RECK: variants seen among roughly 807,000 people sequenced by gnomAD.
RECK encodes reversion inducing cysteine rich protein with kazal motifs.
In RECK, 69 loss-of-function variants were observed where a neutral mutation model predicts 115.1. The observed-to-expected ratio is 0.60, with a 90% CI of 0.49 to 0.73. RECK has a LOEUF of 0.73. Among genes scored for constraint, RECK ranks in the 30% least tolerant of loss-of-function variants. The probability of loss-of-function intolerance (pLI) is 0.00; values close to 1 mark genes in which losing one functional copy is unlikely to be tolerated. For synonymous variants in RECK, 414 were observed against 419.7 expected, an observed-to-expected ratio of 0.99 and a Z score of 0.17; for missense variants, 1,047 against 1,203.7, an observed-to-expected ratio of 0.87 and a Z score of 1.93.
At chr9:36,101,401 A>T (rs1357054946) in intron 11 of RECK, among the ~76,000 whole-genome samples, 1 of 152,164 alleles carries the variant, frequency 6.6e-6, no homozygotes, top group Non-Finnish European at 1.5e-5. Context: ...AAGTTTTCCA[A>T]AACCAAGTTA....
chr9:36,079,496 TAAATC>T (rs1822593378), intron 6 of RECK, among the ~76,000 whole-genome samples: 1 of 152,214 alleles, frequency 6.6e-6, no homozygotes, highest in South Asian at 2.1e-4. Flanking sequence ...TTTAAATTGT[TAAATC>T]AAGTGTGGCA....
chr9:36,064,162 C>T (rs1484597615), intron 5 of RECK, among the ~76,000 whole-genome samples: 2 of 152,200 alleles, frequency 1.3e-5, no homozygotes, highest in Non-Finnish European at 2.9e-5. Context: ...ACTTTGCCTG[C>T]AATCATGCTG....
chr9:36,100,552 C>G lies in RECK; in HGVS notation c.1298+9C>G. On this transcript the variant is annotated intron_variant, in intron 11 of 20. Transcript: ENST00000377966. ...GGAAGTATTATTTGCAAGTAAGTTT[C>G]TTTCATCCTAACGATTCTCCAGCTT... 6.3e-7 allele frequency: 1 copy of G among 1,599,906 alleles called. No homozygotes were observed. The highest frequency in any genetic ancestry group is 8.6e-7 in the Non-Finnish European group (1 of 1,168,150).
intron 3 of RECK, among the ~76,000 whole-genome samples, 199 bp from the exon 4 acceptor site, chr9:36,059,920 T>C (rs778323952): frequency 4.6e-5 from 7 of 152,234 alleles, no homozygotes; most frequent in Non-Finnish European, 8.8e-5. Context: ...TGCTCTCAGA[T>C]GGGAAAAGAA....
chr9:36,043,715 C>G (rs947027994), intron 1 of RECK, among the ~76,000 whole-genome samples: 1 of 152,084 alleles, frequency 6.6e-6, no homozygotes, highest in Admixed American at 6.5e-5. Context: ...AGATGAGAAT[C>G]CAGTTTCATT....
intron 14 of RECK, among the ~76,000 whole-genome samples, chr9:36,109,035 T>C (rs974735363): frequency 2.0e-5 from 3 of 152,018 alleles, no homozygotes; most frequent in Non-Finnish European, 2.9e-5. Flanking sequence ...TTGGCTAAAA[T>C]TAGCTCTCAA....
intron 1 of RECK, among the ~76,000 whole-genome samples, chr9:36,040,375 G>C (rs538570367): frequency 1.3e-5 from 2 of 152,136 alleles, no homozygotes; most frequent in Non-Finnish European, 2.9e-5. Context: ...AGAAGGTGGT[G>C]GGTAGTCTTA....
intron 6 of RECK, among the ~76,000 whole-genome samples, chr9:36,072,206 T>C (rs1822258964): frequency 6.6e-6 from 1 of 152,212 alleles, no homozygotes; most frequent in Non-Finnish European, 1.5e-5. Flanking sequence ...TGCTTAAAGA[T>C]TTCTGTGTAT....
Position 36,105,317 on chromosome 9 carries a change from T to G in RECK, c.1576+34T>G, listed in dbSNP as rs375282626. The stretch of plus-strand genomic sequence containing the variant: ...TAGGTGGGTGTGAGAAGAGGATGGA[T>G]AGGTGCTGCTAGTGTTTCTTTATAG... On this transcript the variant is annotated intron_variant, in intron 13 of 20. Transcript: ENST00000377966. 7.5e-6 allele frequency: 12 copies of G among 1,608,430 alleles called. No individual in the cohort carries two copies. The African/African-American group carries it at 1.5e-4, about 20-fold the overall frequency.
intron 2 of RECK, chr9:36,057,112 G>A: frequency 1.4e-6 from 1 of 695,530 alleles, no homozygotes; most frequent in Non-Finnish European, 1.8e-6. Context: ...GAGCCATTTG[G>A]CTTGGTGAGT....
At position 36,122,925 on chromosome 9, in the gene RECK, CCAGGTA is replaced by C; in HGVS notation, c.2802_2807del (p.Gln935_Val936del). On this transcript the variant is annotated inframe_deletion, in exon 21 of 21. Transcript: ENST00000377966. ...TCCCTCTCTCTGCCCTCATCATTTC[CCAGGTA>C]CAGGTCTCCAGCAGTGTGCCATCGG... 6.2e-7 allele frequency: 1 copy of C among 1,614,212 alleles called. No homozygotes were observed. The highest frequency in any genetic ancestry group is 1.1e-5 in the South Asian group (1 of 91,080).
intron 6 of RECK, among the ~76,000 whole-genome samples, chr9:36,066,334 G>A (rs1330418268): frequency 6.6e-6 from 1 of 152,116 alleles, no homozygotes; most frequent in Non-Finnish European, 1.5e-5. Flanking sequence ...TGTAGTGTAA[G>A]GCTATGTAAT....
intron 1 of RECK, among the ~76,000 whole-genome samples, chr9:36,051,309 T>C (rs1287292647): frequency 6.6e-6 from 1 of 152,182 alleles, no homozygotes; most frequent in African/African-American, 2.4e-5. Context: ...GTCAAGTCTT[T>C]TCCACTCTGA....
chr9:36,061,588 C>T (rs1821769281), intron 4 of RECK, among the ~76,000 whole-genome samples: 1 of 152,066 alleles, frequency 6.6e-6, no homozygotes, highest in South Asian at 2.1e-4. Flanking sequence ...TTAGTATGTT[C>T]TAAGAGGCCA....
At position 36,083,582 on chromosome 9, in the gene RECK, T is replaced by A. The variant is rs1473155780; in HGVS notation, c.637+20T>A. The stretch of plus-strand genomic sequence containing the variant: ...CGGATAGTAAGTAAAAGGGACATAT[T>A]CTTCTCATTTCAATCTTTGGTAAAA... On this transcript the variant is annotated intron_variant, in intron 8 of 20. Transcript: ENST00000377966. 2 of 1,599,912 alleles carry A rather than the reference T, an allele frequency of 1.3e-6. No homozygotes were observed. Among genetic ancestry groups the A allele is most frequent in the African/African-American group, 2.7e-5 (2 of 74,626 alleles).
At chr9:36,099,566 G>A (rs548662819) in intron 10 of RECK, among the ~76,000 whole-genome samples, 2 of 151,752 alleles carry the variant, frequency 1.3e-5, no homozygotes, top group South Asian at 2.1e-4. Flanking sequence ...GGCTGGCCTC[G>A]AACTCCTGGG....
chr9:36,083,361 A>C lies in RECK; in HGVS notation c.440-4A>C, dbSNP rs200045095. On this transcript the variant is annotated splice_region_variant and splice_polypyrimidine_tract_variant and intron_variant, in intron 7 of 20. Transcript: ENST00000377966. ...GTCAGTGCCTTCTCTTTTTTTCTCC[A>C]TAGTGGGCTCGGTTTGTTGCAGTTA... 6.2e-7 allele frequency: 1 copy of C among 1,610,574 alleles called. No homozygotes were observed. The highest frequency in any genetic ancestry group is 8.5e-7 in the Non-Finnish European group (1 of 1,178,092).
intron 1 of RECK, among the ~76,000 whole-genome samples, chr9:36,046,012 C>T (rs1223868900): frequency 6.6e-6 from 1 of 152,044 alleles, no homozygotes; most frequent in African/African-American, 2.4e-5. Context: ...ATGCAAGATA[C>T]GACACTCATA....
At position 36,118,743 on chromosome 9, in the gene RECK, T is replaced by C. The variant is rs187161076; in HGVS notation, c.2254-14T>C. ...TAGACATTTCCAGGCTAAATGTGAT[T>C]TGTTTGCCCTCAGCCCTTTTGCAGA... On this transcript the variant is annotated splice_polypyrimidine_tract_variant and intron_variant, in intron 17 of 20. Transcript: ENST00000377966. The C allele has an allele frequency of 2.5e-6, 4 of 1,611,380 alleles. No individual in the cohort carries two copies. The highest frequency in any genetic ancestry group is 1.3e-5 in the African/African-American group (1 of 74,898).
Sources: allele counts gnomAD v4.1 joint callset (sites outside exome capture counted in the v4.1 genomes callset), GRCh38; gene constraint gnomAD v4.1.1; transcripts MANE v1.5; gene names NCBI Gene and HGNC (gene_info 2026-07-23, HGNC 2026-07-21).